Variants in SLC35F1 observed in about 807,000 individuals in gnomAD.
The protein encoded by SLC35F1 is solute carrier family 35 member F1.
SLC35F1 carries 14 observed loss-of-function variants against 48.7 expected under a neutral mutation model. The observed-to-expected ratio is 0.29, with a 90% CI of 0.19 to 0.45. The LOEUF (loss-of-function observed/expected upper bound fraction) is 0.45, where lower values mean the gene tolerates loss of function less well. SLC35F1 is among the 20% of genes least tolerant of loss of function. The probability of loss-of-function intolerance (pLI) is 1.00; values close to 1 mark genes in which losing one functional copy is unlikely to be tolerated. For synonymous variants in SLC35F1, 190 were observed against 202.2 expected (o/e 0.94, Z 0.51); for missense variants, 404 against 500.0 (o/e 0.81, Z 1.83).
intron 1 of SLC35F1, among the ~76,000 whole-genome samples, chr6:118,012,086 G>T (rs1377876004): frequency 3.3e-5 from 5 of 151,848 alleles, no homozygotes; most frequent in African/African-American, 1.2e-4. Context: ...AAAGAAACCT[G>T]GAAGGAAAGG....
chr6:118,054,927 C>G (rs1305437543), intron 1 of SLC35F1, among the ~76,000 whole-genome samples: 3 of 152,138 alleles, frequency 2.0e-5, no homozygotes, highest in African/African-American at 7.2e-5. Flanking sequence ...CAGGCATGCA[C>G]CACCACACCC....
chr6:118,089,743 A>G (rs1322021358), intron 1 of SLC35F1, among the ~76,000 whole-genome samples: 1 of 152,190 alleles, frequency 6.6e-6, no homozygotes, highest in African/African-American at 2.4e-5. Context: ...CATCTCTTTC[A>G]CCATGACTTT....
At chr6:117,908,203 T>C (rs1775719437) in intron 1 of SLC35F1, among the ~76,000 whole-genome samples, 1 of 152,100 alleles carries the variant, frequency 6.6e-6, no homozygotes, top group African/African-American at 2.4e-5. Context: ...TCCATACGCG[T>C]GCCGCCTCAC....
chr6:118,024,894 G>A (rs1582625220), intron 1 of SLC35F1, among the ~76,000 whole-genome samples: 1 of 151,782 alleles, frequency 6.6e-6, no homozygotes, highest in African/African-American at 2.4e-5. Context: ...AAAGTTTTAT[G>A]CTTCATGATA....
intron 1 of SLC35F1, among the ~76,000 whole-genome samples, chr6:117,908,560 AT>A (rs1350159507): frequency 1.3e-5 from 2 of 152,200 alleles, no homozygotes; most frequent in Non-Finnish European, 2.9e-5. Context: ...GCGCCCAGTT[AT>A]TCCGAAGCGC....
intron 1 of SLC35F1, among the ~76,000 whole-genome samples, chr6:118,132,551 G>A (rs755162820): frequency 3.9e-5 from 6 of 152,150 alleles, no homozygotes; most frequent in African/African-American, 9.7e-5. Context: ...GGATTAATCC[G>A]TGGAAAGCCT....
intron 7 of SLC35F1, among the ~76,000 whole-genome samples, chr6:118,310,569 AT>A (rs1776361737): frequency 6.6e-6 from 1 of 152,116 alleles, no homozygotes; most frequent in Non-Finnish European, 1.5e-5. Context: ...TTCAGCATTT[AT>A]CCTGATTAAT....
At chr6:117,914,872 C>A (rs1775808527) in intron 1 of SLC35F1, among the ~76,000 whole-genome samples, 1 of 151,290 alleles carries the variant, frequency 6.6e-6, no homozygotes, top group African/African-American at 2.4e-5. Context: ...TTGATGAATA[C>A]CATTGAGTTT....
At chr6:117,990,277 C>G (rs1034094945) in intron 1 of SLC35F1, among the ~76,000 whole-genome samples, 2 of 152,086 alleles carry the variant, frequency 1.3e-5, no homozygotes, top group Admixed American at 1.3e-4. Context: ...AATAACCAGA[C>G]CTGTATACTA....
chr6:118,121,197 G>A (rs9489307), intron 1 of SLC35F1, among the ~76,000 whole-genome samples: 33,841 of 152,026 alleles, frequency 0.22, 4,193 homozygotes, highest in East Asian at 0.39. Context: ...GCATGACGAT[G>A]TTCACTGCTT....
intron 1 of SLC35F1, among the ~76,000 whole-genome samples, chr6:118,091,269 T>C (rs1773069278): frequency 6.6e-6 from 1 of 152,206 alleles, no homozygotes. Context: ...ATGATTTGGC[T>C]GTGTCCCCAC....
intron 2 of SLC35F1, among the ~76,000 whole-genome samples, chr6:118,166,873 T>C (rs1774325640): frequency 6.6e-6 from 1 of 152,202 alleles, no homozygotes; most frequent in Non-Finnish European, 1.5e-5. Context: ...AGGATGCAAC[T>C]TGAGTTTTAT....
chr6:117,931,360 G>T (rs1776099702), intron 1 of SLC35F1, among the ~76,000 whole-genome samples: 1 of 152,140 alleles, frequency 6.6e-6, no homozygotes, highest in South Asian at 2.1e-4. Context: ...TGTTCTGTAA[G>T]GATCCTGATC....
rs374364735 is a variant in SLC35F1, at chr6:118,139,261, T to C, written c.174-15184T>C. 3.1e-4 allele frequency among the ~76,000 whole-genome samples: 47 copies of C among 152,178 alleles called. 1 individual carries two copies. The South Asian group carries it at 8.1e-3, about 26-fold the overall frequency. On this transcript the variant is annotated intron_variant, in intron 1 of 7. Coordinates refer to ENST00000360388, the MANE Select transcript of SLC35F1 (RefSeq NM_001029858.4). The stretch of plus-strand genomic sequence containing the variant: ...CCGAGTAGCTGGGACTACAGGCGCC[T>C]GCCACCATGCCCGGCTAATTTTTTG...
intron 7 of SLC35F1, among the ~76,000 whole-genome samples, chr6:118,289,843 C>T (rs1330306238): frequency 6.6e-6 from 1 of 152,210 alleles, no homozygotes; most frequent in Non-Finnish European, 1.5e-5. Flanking sequence ...TGCTAATATA[C>T]AGCCAGAGTT....
At chr6:118,089,273 C>T (rs1773037751) in intron 1 of SLC35F1, among the ~76,000 whole-genome samples, 1 of 152,018 alleles carries the variant, frequency 6.6e-6, no homozygotes, top group Non-Finnish European at 1.5e-5. Context: ...TTTGAGGAGT[C>T]TCACTATAGA....
intron 1 of SLC35F1, among the ~76,000 whole-genome samples, chr6:118,104,106 TC>T (rs1344598980): frequency 6.6e-6 from 1 of 150,916 alleles, no homozygotes; most frequent in African/African-American, 2.4e-5. Flanking sequence ...CCCCTTCCCT[TC>T]CCTTCCCTTC....
At chr6:118,309,987 A>T (rs1192592898) in intron 7 of SLC35F1, among the ~76,000 whole-genome samples, 3 of 152,144 alleles carry the variant, frequency 2.0e-5, no homozygotes, top group Non-Finnish European at 4.4e-5. Context: ...TCTCAAAGAG[A>T]TTCATGAAGG....
At chr6:118,022,747 ATTTTTTTT>A (rs34879607) in intron 1 of SLC35F1, among the ~76,000 whole-genome samples, 3 of 120,646 alleles carry the variant, frequency 2.5e-5, no homozygotes, top group South Asian at 2.5e-4. Flanking sequence ...AGCTTGGACA[ATTTTTTTT>A]TTTTTTTTTT....
Sources: gnomAD v4.1 joint callset for allele counts (sites outside exome capture counted in the v4.1 genomes callset) on GRCh38, gnomAD v4.1.1 for gene constraint, MANE v1.5 for transcripts, NCBI Gene and HGNC (gene_info 2026-07-23, HGNC 2026-07-21) for gene names.